CCDC148: variants seen among roughly 807,000 people sequenced by gnomAD.
CCDC148 encodes coiled-coil domain containing 148.
Under a neutral mutation model 85.7 loss-of-function variants are expected in CCDC148, and 89 were observed. The ratio of observed to expected loss-of-function variants is 1.04; its 90% CI spans 0.87 to 1.24. CCDC148 has a LOEUF of 1.24. Among genes scored for constraint, CCDC148 ranks in the 50% most tolerant of loss-of-function variants. The pLI is 0.00. For synonymous variants in CCDC148, 230 were observed against 213.9 expected (o/e 1.08, Z -0.66); for missense variants, 692 against 671.7 (o/e 1.03, Z -0.33).
At chr2:158,379,734 C>A (rs1043290825) in intron 1 of CCDC148, among the ~76,000 whole-genome samples, 15 of 152,124 alleles carry the variant, frequency 9.9e-5, no homozygotes, top group African/African-American at 3.1e-4. Flanking sequence ...CTGAGATGAG[C>A]ATTGGCATTT....
chr2:158,248,184 C>G (rs1038723766), intron 10 of CCDC148, among the ~76,000 whole-genome samples: 2 of 151,610 alleles, frequency 1.3e-5, no homozygotes, highest in African/African-American at 4.8e-5. Context: ...ATCTTAAAAT[C>G]TATATATGGC....
intron 11 of CCDC148, among the ~76,000 whole-genome samples, chr2:158,214,762 T>A (rs1234668795): frequency 6.6e-6 from 1 of 152,090 alleles, no homozygotes; most frequent in African/African-American, 2.4e-5. Context: ...GTCACCAATT[T>A]CTACCTATTT....
intron 11 of CCDC148, among the ~76,000 whole-genome samples, chr2:158,190,088 T>C (rs1685349504): frequency 1.3e-5 from 2 of 151,968 alleles, no homozygotes; most frequent in Admixed American, 6.6e-5. Flanking sequence ...CTTTGTAAGA[T>C]ATTTAATCAT....
chr2:158,293,163 T>G (rs1443511447), intron 9 of CCDC148, among the ~76,000 whole-genome samples: 1 of 152,096 alleles, frequency 6.6e-6, no homozygotes, highest in Non-Finnish European at 1.5e-5. Context: ...CAAACAAGTA[T>G]GTATATCAGA....
chr2:158,374,356 G>A (rs541258561), intron 1 of CCDC148, among the ~76,000 whole-genome samples: 1 of 151,948 alleles, frequency 6.6e-6, no homozygotes, highest in East Asian at 1.9e-4. Context: ...CCAAGAGCTT[G>A]GGGTTAAGAA....
intron 1 of CCDC148, among the ~76,000 whole-genome samples, chr2:158,380,277 C>T (rs1684817027): frequency 1.3e-5 from 2 of 152,066 alleles, no homozygotes; most frequent in African/African-American, 4.8e-5. Context: ...TTATGAGATA[C>T]CCATACAATG....
At chr2:158,341,581 C>T (rs1023910812) in intron 3 of CCDC148, among the ~76,000 whole-genome samples, 1 of 151,938 alleles carries the variant, frequency 6.6e-6, no homozygotes, top group Non-Finnish European at 1.5e-5. Flanking sequence ...TCCCAAAGTG[C>T]CAGGATTACA....
chr2:158,398,958 C>T (rs1171144675), intron 1 of CCDC148, among the ~76,000 whole-genome samples: 2 of 152,100 alleles, frequency 1.3e-5, no homozygotes, highest in Non-Finnish European at 2.9e-5. Flanking sequence ...CCACCGATCC[C>T]ACAGAAATAC....
chr2:158,418,188 ACCT>A (rs1291459248), intron 1 of CCDC148, among the ~76,000 whole-genome samples: 19 of 152,088 alleles, frequency 1.2e-4, no homozygotes, highest in Non-Finnish European at 2.8e-4. Context: ...TTGCTGATTA[ACCT>A]CCTACAAATC....
intron 1 of CCDC148, chr2:158,447,338 G>A (rs1054087763): frequency 2.0e-5 from 3 of 152,154 alleles, no homozygotes; most frequent in African/African-American, 7.2e-5. Context: ...CCATATTGAT[G>A]CATAACAGTA....
chr2:158,424,573 G>T (rs560033055), intron 1 of CCDC148, among the ~76,000 whole-genome samples: 1 of 152,126 alleles, frequency 6.6e-6, no homozygotes, highest in East Asian at 1.9e-4. Flanking sequence ...GTCATGGGGT[G>T]GGGGGAGTGG....
At chr2:158,425,370 A>T (rs1366355193) in intron 1 of CCDC148, 1 of 457,866 alleles carries the variant, frequency 2.2e-6, no homozygotes, top group Admixed American at 2.3e-5. Context: ...ATGACATTGA[A>T]GACTGGTCTT....
At chr2:158,305,574 T>C (rs1336234252) in intron 9 of CCDC148, among the ~76,000 whole-genome samples, 2 of 151,958 alleles carry the variant, frequency 1.3e-5, no homozygotes, top group African/African-American at 4.8e-5. Flanking sequence ...AGCAAGACCC[T>C]GTCTCTACAA....
intron 9 of CCDC148, among the ~76,000 whole-genome samples, chr2:158,254,291 T>C (rs1475811086): frequency 6.6e-6 from 1 of 151,682 alleles, no homozygotes; most frequent in Non-Finnish European, 1.5e-5. Context: ...TTAAAGTTTT[T>C]AGGTATGATA....
rs981592713 is a variant in CCDC148, at chr2:158,227,310, T to C, written c.1252-6597A>G. The stretch of plus-strand genomic sequence containing the variant: ...CATGGCTCAATGAAATAAAAGAGGA[T>C]ACAAACAAATGGAAGAACATTCCAT... On this transcript the variant is annotated intron_variant, in intron 10 of 13. Coordinates refer to ENST00000283233, the MANE Select transcript of CCDC148 (RefSeq NM_138803.4). Among the ~76,000 whole-genome samples, 142 of 150,450 alleles carry C rather than the reference T, an allele frequency of 9.4e-4. 2 individuals carry two copies. Among genetic ancestry groups the C allele is most frequent in the Non-Finnish European group, 6.8e-4 (46 of 67,732 alleles).
chr2:158,250,975 T>A, intron 9 of CCDC148, 63 bp from the exon 10 acceptor site: 1 of 1,451,802 alleles, frequency 6.9e-7, no homozygotes, highest in Non-Finnish European at 9.3e-7. Context: ...TCATAGGTCA[T>A]AATAAGACTA....
chr2:158,327,417 G>A (rs930398832), intron 7 of CCDC148, among the ~76,000 whole-genome samples: 1 of 152,238 alleles, frequency 6.6e-6, no homozygotes, highest in East Asian at 1.9e-4. Context: ...CCATGATTAG[G>A]AAAGGACCCA....
chr2:158,378,542 T>C (rs947896001), intron 1 of CCDC148, among the ~76,000 whole-genome samples: 6 of 152,154 alleles, frequency 3.9e-5, no homozygotes, highest in Admixed American at 2.6e-4. Context: ...AACAACCTTA[T>C]GCTGAAAGAA....
rs575752695 is a variant in CCDC148 at position 158,228,624 on chromosome 2, G to A, written c.1252-7911C>T. Among the ~76,000 whole-genome samples the A allele has an allele frequency of 4.6e-5, 7 of 152,130 alleles. No homozygotes were observed. In the South Asian group the frequency reaches 6.2e-4, roughly 14 times the overall value. On this transcript the variant is annotated intron_variant, in intron 10 of 13. Coordinates refer to ENST00000283233, the MANE Select transcript of CCDC148 (RefSeq NM_138803.4). ...ACATATACACCATGGAATACTATGT[G>A]GCCATAAAAAATGATGAGTTCATGT...
Sources: allele counts gnomAD v4.1 joint callset (sites outside exome capture counted in the v4.1 genomes callset), GRCh38; gene constraint gnomAD v4.1.1; transcripts MANE v1.5; gene names NCBI Gene and HGNC (gene_info 2026-07-23, HGNC 2026-07-21).